SNX25: variants seen among roughly 807,000 people sequenced by gnomAD.
The protein encoded by SNX25 is sorting nexin 25.
In SNX25, 62 loss-of-function variants were observed where a neutral mutation model predicts 113.7. The ratio of observed to expected loss-of-function variants is 0.55; its 90% CI spans 0.44 to 0.67. The LOEUF is 0.67. Among genes scored for constraint, SNX25 ranks in the 30% least tolerant of loss-of-function variants. The probability of loss-of-function intolerance (pLI) is 0.00; values close to 1 mark genes in which losing one functional copy is unlikely to be tolerated. For synonymous variants in SNX25, 421 were observed against 436.2 expected, an observed-to-expected ratio of 0.97 and a Z score of 0.43; for missense variants, 1,014 against 1,161.0, an observed-to-expected ratio of 0.87 and a Z score of 1.84.
At chr4:185,375,803 G>T in the SNX25 span, 2 of 835,998 alleles carry the variant, frequency 2.4e-6, no homozygotes, top group Non-Finnish European at 3.7e-6. Flanking sequence ...GTGGTCAAGT[G>T]TTTGTGCCCA....
intron 2 of SNX25, among the ~76,000 whole-genome samples, chr4:185,248,701 T>G (rs1745199409): frequency 6.6e-6 from 1 of 152,176 alleles, no homozygotes; most frequent in Non-Finnish European, 1.5e-5. Flanking sequence ...TGAGGTAAAA[T>G]TTACATACTT....
chr4:185,238,103 C>T (rs537267223), intron 1 of SNX25, among the ~76,000 whole-genome samples: 1 of 150,914 alleles, frequency 6.6e-6, no homozygotes, highest in Admixed American at 6.6e-5. Flanking sequence ...CACCTCTCAG[C>T]ACAGTAGTTG....
chr4:185,287,112 T>G (rs1751450690), intron 5 of SNX25, among the ~76,000 whole-genome samples: 1 of 152,238 alleles, frequency 6.6e-6, no homozygotes, highest in African/African-American at 2.4e-5. Flanking sequence ...AGGGCAATAC[T>G]TAGTAACCAT....
chr4:185,206,881 G>A (rs1027872907), upstream of SNX25, among the ~76,000 whole-genome samples: 1 of 152,098 alleles, frequency 6.6e-6, no homozygotes, highest in African/African-American at 2.4e-5. Flanking sequence ...TCAGAACCAG[G>A]GAATAGGATG....
downstream of SNX25, chr4:185,363,990 G>C (rs2095377718): frequency 6.5e-6 from 1 of 152,874 alleles, no homozygotes; most frequent in South Asian, 2.1e-4. The surrounding 1 kb of genome is among the most constrained non-coding windows in gnomAD (Gnocchi z 4.2). Context: ...TGATATTTAA[G>C]ATACTTATAT....
At chr4:185,220,640 C>G (rs1739663776) in intron 1 of SNX25, among the ~76,000 whole-genome samples, 1 of 152,052 alleles carries the variant, frequency 6.6e-6, no homozygotes, top group Non-Finnish European at 1.5e-5. Flanking sequence ...ACCACCACGC[C>G]TGGCTAAATT....
chr4:185,297,773 A>G (rs1753041942), intron 6 of SNX25, among the ~76,000 whole-genome samples: 1 of 152,146 alleles, frequency 6.6e-6, no homozygotes, highest in Admixed American at 6.6e-5. Flanking sequence ...TTTCTCTTTG[A>G]ATAAGGGCTC....
At chr4:185,282,617 C>G (rs1215046599) in intron 5 of SNX25, among the ~76,000 whole-genome samples, 3 of 152,228 alleles carry the variant, frequency 2.0e-5, no homozygotes, top group African/African-American at 7.2e-5. Flanking sequence ...GGTGGCCACT[C>G]TGAGGAGCAG....
intron 5 of SNX25, among the ~76,000 whole-genome samples, chr4:185,279,573 T>C (rs1034723666): frequency 6.6e-5 from 10 of 152,144 alleles, no homozygotes; most frequent in African/African-American, 2.4e-4. Flanking sequence ...CTCATGAAAA[T>C]ATAGCGCAAA....
At chr4:185,289,710 G>A (rs1356766090) in intron 6 of SNX25, among the ~76,000 whole-genome samples, 2 of 152,194 alleles carry the variant, frequency 1.3e-5, no homozygotes, top group Admixed American at 1.3e-4. Flanking sequence ...TTGCAGAGAA[G>A]ATGCTTCACT....
chr4:185,223,207 ATG>A (rs1740276505), intron 1 of SNX25, among the ~76,000 whole-genome samples: 5 of 152,114 alleles, frequency 3.3e-5, no homozygotes, highest in Admixed American at 6.6e-5. Flanking sequence ...ACTTCCTTGC[ATG>A]TCATTATAGT....
chr4:185,323,604 C>T lies in SNX25; in HGVS notation c.1553C>T (p.Ser518Leu), dbSNP rs567509062. Residue 518 changes from serine to leucine, a missense_variant, in exon 9 of 19, where the codon TCA becomes TTA. By Grantham distance (145) the Ser-to-Leu change is moderately radical. Coordinates refer to ENST00000652585, the MANE Select transcript of SNX25 (RefSeq NM_001378034.2). ...AGCAAAGAAATATCTGTGGAAAAAT[C>T]ACTTTACAAAGAAATTCAGCAGTGT... is the stretch of plus-strand genomic sequence containing the variant. ...VESKEISVEK[S>L]LYKEIQQCLV... 1 of 1,613,110 alleles carries T rather than the reference C, an allele frequency of 6.2e-7. No homozygotes were observed. The highest frequency in any genetic ancestry group is 8.5e-7 in the Non-Finnish European group (1 of 1,179,386).
chr4:185,271,179 C>T (rs1020643622), intron 5 of SNX25, among the ~76,000 whole-genome samples: 9 of 152,146 alleles, frequency 5.9e-5, no homozygotes, highest in Admixed American at 5.2e-4. Flanking sequence ...CTCTGTCTTC[C>T]TTCTTACTAC....
chr4:185,300,936 T>A (rs887961529), intron 6 of SNX25, among the ~76,000 whole-genome samples: 1 of 151,770 alleles, frequency 6.6e-6, no homozygotes, highest in African/African-American at 2.4e-5. Flanking sequence ...TGTTTTATTA[T>A]ACTGTTGGGG....
At chr4:185,206,961 A>G (rs1331685448), upstream of SNX25, among the ~76,000 whole-genome samples, 2 of 152,132 alleles carry the variant, frequency 1.3e-5, no homozygotes, top group Non-Finnish European at 2.9e-5. Flanking sequence ...TCAACGCCAG[A>G]GCCTGGAGTT....
intron 12 of SNX25, among the ~76,000 whole-genome samples, chr4:185,346,050 G>A (rs2095284548): frequency 6.6e-6 from 1 of 152,122 alleles, no homozygotes; most frequent in Non-Finnish European, 1.5e-5. Flanking sequence ...GTAGAGGCAG[G>A]GTTTCACCAT....
chr4:185,287,296 T>G (rs1385596689), intron 5 of SNX25, among the ~76,000 whole-genome samples: 2 of 152,228 alleles, frequency 1.3e-5, no homozygotes, highest in Non-Finnish European at 2.9e-5. Context: ...CTCATGCTTC[T>G]CAGCTCTCCG....
At chr4:185,274,063 C>CTT (rs1259565969) in intron 5 of SNX25, among the ~76,000 whole-genome samples, 4 of 139,128 alleles carry the variant, frequency 2.9e-5, no homozygotes, top group South Asian at 2.3e-4. Context: ...TATACACGGG[C>CTT]TTTTTTTTTT....
chr4:185,208,723 C>CA (rs372433088), upstream of SNX25, among the ~76,000 whole-genome samples: 57 of 146,340 alleles, frequency 3.9e-4, 1 homozygote, highest in African/African-American at 8.0e-4. Context: ...GACTCCGTCT[C>CA]AAAAAAAAAG....
Sources: allele counts gnomAD v4.1 joint callset (sites outside exome capture counted in the v4.1 genomes callset), GRCh38; gene constraint gnomAD v4.1.1; non-coding constraint Gnocchi (gnomAD v3.1); transcripts MANE v1.5; gene names NCBI Gene and HGNC (gene_info 2026-07-23, HGNC 2026-07-21).